The following OSBPL2 variants were observed in gnomAD, a reference collection of about 807,000 sequenced individuals.
The protein encoded by OSBPL2 is oxysterol-binding protein-related protein 2.
In OSBPL2, 18 loss-of-function variants were observed where a neutral mutation model predicts 58.4. The observed-to-expected ratio is 0.31, with a 90% CI of 0.21 to 0.46. OSBPL2 has a LOEUF of 0.46. Among genes scored for constraint, OSBPL2 ranks in the 20% least tolerant of loss-of-function variants. The probability of loss-of-function intolerance (pLI) is 1.00; values close to 1 mark genes in which losing one functional copy is unlikely to be tolerated. For synonymous variants in OSBPL2, 221 were observed against 234.1 expected (o/e 0.94, Z 0.51); for missense variants, 461 against 616.5 (o/e 0.75, Z 2.67).
intron 3 of OSBPL2, among the ~76,000 whole-genome samples, chr20:62,262,091 C>G (rs113674180): frequency 2.1e-4 from 32 of 150,020 alleles, no homozygotes; most frequent in African/African-American, 6.1e-4. Context: ...GGACCCCCCC[C>G]CCACCCCGTC....
chr20:62,293,227 G>A (rs141778677), intron 13 of OSBPL2, among the ~76,000 whole-genome samples: 32 of 152,008 alleles, frequency 2.1e-4, no homozygotes, highest in African/African-American at 7.0e-4. Flanking sequence ...TTTGTCCTTC[G>A]AAGAAAATGT....
intron 1 of OSBPL2, among the ~76,000 whole-genome samples, chr20:62,253,351 A>G (rs1442749372): frequency 6.6e-6 from 1 of 152,248 alleles, no homozygotes; most frequent in African/African-American, 2.4e-5. Context: ...ATCATCCACC[A>G]TGACCAGTTA....
chr20:62,270,362 C>T (rs940584837), intron 4 of OSBPL2, among the ~76,000 whole-genome samples: 5 of 148,006 alleles, frequency 3.4e-5, no homozygotes, highest in South Asian at 2.2e-4. Flanking sequence ...CTCTCTGGGT[C>T]CTCTCCTTGT....
rs1468026373 is a variant in OSBPL2 at position 62,291,725 on chromosome 20, G to A, written c.1272G>A (p.Glu424=). The change falls in exon 13 of 14, where the codon GAG becomes GAA. Residue 424 remains glutamate, a synonymous_variant. Transcript: ENST00000313733. ...GNMDLASQEK[E]RLEEKQREAR... is the part of the protein sequence containing the mutation. Reference sequence around the variant, plus strand: ...TAGATCTGGCCAGCCAGGAGAAGGAGCGGCTGGAGGAGAAGCAGAGAGAAG... The same window carrying A: ...TAGATCTGGCCAGCCAGGAGAAGGAACGGCTGGAGGAGAAGCAGAGAGAAG... 1 of 1,613,598 alleles carries A rather than the reference G, an allele frequency of 6.2e-7. No individual in the cohort carries two copies. The highest frequency in any genetic ancestry group is 8.5e-7 in the Non-Finnish European group (1 of 1,180,004).
rs1475424199 is a variant in OSBPL2 at position 62,284,114 on chromosome 20, A to G, written c.941A>G (p.Tyr314Cys). The G allele has an allele frequency of 1.9e-6, 3 of 1,614,026 alleles. No individual in the cohort carries two copies. Among genetic ancestry groups the G allele is most frequent in the Non-Finnish European group, 1.7e-6 (2 of 1,179,976 alleles). Residue 314 changes from tyrosine to cysteine, a missense_variant, in exon 10 of 14, where the codon TAT becomes TGT. Transcript: ENST00000313733. ...ECLWGIDPVSYESFKKQERRG... is the reference protein window; with the variant it reads ...ECLWGIDPVSCESFKKQERRG... ...TTGTGGGGCATAGATCCTGTTTCGT[A>G]TGAATCCTTCAAGAAGCAGGAGAGG...
chr20:62,251,359 AT>A (rs910889012), intron 1 of OSBPL2, among the ~76,000 whole-genome samples: 81 of 134,316 alleles, frequency 6.0e-4, no homozygotes, highest in African/African-American at 5.5e-4. Context: ...CGCCCGGACA[AT>A]TTTTTTTTTT....
Position 62,259,990 on chromosome 20 carries a change from C to T in OSBPL2, c.47C>T (p.Ser16Phe), listed in dbSNP as rs770695347. 1 of 1,613,878 alleles carries T rather than the reference C, an allele frequency of 6.2e-7. No individual in the cohort carries two copies. Among genetic ancestry groups the T allele is most frequent in the Admixed American group, 1.7e-5 (1 of 59,984 alleles). ...TTCTTGTCTCGCACAGGCTTTGATT[C>T]TGATAACTCTTCTGGGGAATTTTCA... Reference protein sequence around the residue: ...EFFDAVTGFDSDNSSGEFSEA... With the variant: ...EFFDAVTGFDFDNSSGEFSEA... The change falls in exon 3 of 14, where the codon TCT (serine) becomes TTT (phenylalanine). Residue 16 changes from serine to phenylalanine, a missense_variant. Ser to Phe is a radical substitution (Grantham distance 155, BLOSUM62 -2). This residue lies in a region of OSBPL2 where 80 missense variants were observed against 74.8 expected (regional missense o/e 1.07). Transcript: ENST00000313733.
chr20:62,239,028 A>G (rs1309306437), intron 1 of OSBPL2: 1 of 151,438 alleles, frequency 6.6e-6, no homozygotes, highest in Admixed American at 6.6e-5. Context: ...CACCGGGAAC[A>G]GGGAAGGATT....
At chr20:62,293,683 T>C in intron 13 of OSBPL2, 102 bp from the exon 14 acceptor site, 1 of 964,654 alleles carries the variant, frequency 1.0e-6, no homozygotes, top group Non-Finnish European at 1.5e-6. Flanking sequence ...CACGTTACCG[T>C]GATGGTGCTG....
At chr20:62,274,532 A>T (rs1982263414) in intron 6 of OSBPL2, among the ~76,000 whole-genome samples, 1 of 152,224 alleles carries the variant, frequency 6.6e-6, no homozygotes, top group Admixed American at 6.5e-5. Context: ...GACAGGGCTA[A>T]GCTGTGGTTC....
At chr20:62,287,357 T>C (rs944705661) in intron 11 of OSBPL2, among the ~76,000 whole-genome samples, 1 of 152,232 alleles carries the variant, frequency 6.6e-6, no homozygotes. Flanking sequence ...GAGCAGAACA[T>C]GCGTAAAATA....
chr20:62,292,100 G>A (rs1320608088), intron 13 of OSBPL2, among the ~76,000 whole-genome samples: 1 of 152,246 alleles, frequency 6.6e-6, no homozygotes. Flanking sequence ...GGCCTGTGCA[G>A]AGTGCCTGTC....
intron 6 of OSBPL2, among the ~76,000 whole-genome samples, chr20:62,274,681 C>T (rs573336456): frequency 2.0e-5 from 3 of 152,214 alleles, no homozygotes; most frequent in Admixed American, 2.0e-4. Context: ...GTCAGTGGAG[C>T]CCAGCACACA....
chr20:62,251,448 G>A (rs1980534131), intron 1 of OSBPL2, among the ~76,000 whole-genome samples: 1 of 137,810 alleles, frequency 7.3e-6, no homozygotes, highest in African/African-American at 2.7e-5. Flanking sequence ...TGCTCTTGTT[G>A]CCCAGGCTGG....
chr20:62,269,353 C>T lies in OSBPL2; in HGVS notation c.259-2772C>T, dbSNP rs896579931. ...AAAGAGCCCTGCATGTGTGTTTGGC[C>T]GAGGCTCTGTGGGATAGGTTCCTAG... On this transcript the variant is annotated intron_variant, in intron 4 of 13. Coordinates refer to ENST00000313733, the MANE Select transcript of OSBPL2 (RefSeq NM_144498.4). This position sits in a 1 kb window ranked among gnomAD's most constrained non-coding sequence, Gnocchi z 4.2. Among the ~76,000 whole-genome samples the T allele has an allele frequency of 6.6e-6, 1 of 152,146 alleles. No individual in the cohort carries two copies. Among genetic ancestry groups the T allele is most frequent in the Non-Finnish European group, 1.5e-5 (1 of 68,014 alleles).
intron 6 of OSBPL2, 88 bp downstream of exon 6, chr20:62,273,494 C>T: frequency 2.0e-6 from 2 of 1,022,958 alleles, no homozygotes; most frequent in African/African-American, 1.6e-5. Context: ...AGCATTGATT[C>T]CTCTGCTCTG....
chr20:62,251,066 C>T (rs1443398727), intron 1 of OSBPL2, among the ~76,000 whole-genome samples: 3 of 105,576 alleles, frequency 2.8e-5, no homozygotes, highest in Non-Finnish European at 5.3e-5. Context: ...TTTTTTGAGA[C>T]GGAGTCTCAC....
At chr20:62,256,635 CG>C (rs2145928099) in intron 2 of OSBPL2, among the ~76,000 whole-genome samples, 1 of 152,306 alleles carries the variant, frequency 6.6e-6, no homozygotes, top group Non-Finnish European at 1.5e-5. Flanking sequence ...TTTTTTCTTT[CG>C]CACGATGGTT....
intron 10 of OSBPL2, chr20:62,285,153 T>C (rs1983031731): frequency 6.6e-6 from 1 of 152,254 alleles, no homozygotes; most frequent in South Asian, 2.1e-4. Flanking sequence ...CAAGTGTTTT[T>C]TATGTTGTTG....
Sources: gnomAD v4.1 joint callset for allele counts (sites outside exome capture counted in the v4.1 genomes callset) on GRCh38, gnomAD v4.1.1 for gene constraint, gnomAD v4.1.1 regional missense constraint, Gnocchi (gnomAD v3.1) non-coding constraint, MANE v1.5 for transcripts, NCBI Gene and HGNC (gene_info 2026-07-23, HGNC 2026-07-21) for gene names.